FAAH2: variants seen among roughly 807,000 people sequenced by gnomAD.
FAAH2 encodes fatty-acid amide hydrolase 2.
In FAAH2, 60 loss-of-function variants were observed where a neutral mutation model predicts 36.9. The ratio of observed to expected loss-of-function variants is 1.63; its 90% CI spans 1.32 to 2.02. The LOEUF (loss-of-function observed/expected upper bound fraction) is 2.02, where lower values mean the gene tolerates loss of function less well. Ranked by LOEUF, FAAH2 falls within the 30% of genes most tolerant of loss-of-function variation. The pLI, the probability that FAAH2 is intolerant of heterozygous loss-of-function variation, is 0.00. For missense variants in FAAH2, 689 were observed against 397.5 expected (o/e 1.73, Z -6.23); for synonymous variants, 214 against 143.8 (o/e 1.49, Z -3.49).
chrX:57,339,583 T>A (rs1382049394), intron 4 of FAAH2, among the ~76,000 whole-genome samples: 3 of 111,378 alleles, frequency 2.7e-5, no homozygotes, highest in African/African-American at 9.8e-5. Flanking sequence ...CATTAAAAAG[T>A]AGGCAAAGGA....
At chrX:57,376,726 C>T (rs2054689849) in intron 5 of FAAH2, among the ~76,000 whole-genome samples, 1 of 112,012 alleles carries the variant, frequency 8.9e-6, no homozygotes, top group Non-Finnish European at 1.9e-5. Flanking sequence ...TGAGGAATCA[C>T]CACACTGTCT....
the FAAH2 span, among the ~76,000 whole-genome samples, chrX:57,264,708 T>G: frequency 2.7e-5 from 3 of 112,411 alleles, no homozygotes; most frequent in African/African-American, 9.7e-5. Flanking sequence ...ACATAAATCA[T>G]TCTATCATAA....
chrX:57,393,231 T>C (rs1031339838), intron 7 of FAAH2: 3 of 1,199,150 alleles, frequency 2.5e-6, no homozygotes, highest in African/African-American at 3.5e-5. Context: ...GTTTGTTTCT[T>C]CAAGTTACTG....
At chrX:57,310,825 A>G (rs901926074) in intron 3 of FAAH2, 96 bp downstream of exon 3, 51 of 904,732 alleles carry the variant, frequency 5.6e-5, no homozygotes, top group Non-Finnish European at 7.3e-5. Context: ...AAAGTGAAGG[A>G]CAAACTCATG....
intron 7 of FAAH2, among the ~76,000 whole-genome samples, chrX:57,397,905 C>T (rs1309554465): frequency 9.5e-6 from 1 of 105,757 alleles, no homozygotes; most frequent in Admixed American, 1.0e-4. Context: ...TTCCTGTGTC[C>T]ATGTGTTCTC....
At chrX:57,249,410 T>G in the FAAH2 span, among the ~76,000 whole-genome samples, 9 of 112,389 alleles carry the variant, frequency 8.0e-5, no homozygotes, top group Admixed American at 4.7e-4. Context: ...ACACACCTTG[T>G]TCCAGGGCCC....
the FAAH2 span, among the ~76,000 whole-genome samples, chrX:57,183,416 A>G: frequency 1.8e-5 from 2 of 111,478 alleles, no homozygotes; most frequent in Non-Finnish European, 3.8e-5. Flanking sequence ...AATGAATAAT[A>G]CTGATAAACA....
chrX:57,461,889 C>A (rs1215004970), intron 10 of FAAH2, among the ~76,000 whole-genome samples: 1 of 109,915 alleles, frequency 9.1e-6, no homozygotes, highest in African/African-American at 3.3e-5. Context: ...TAACAAAATA[C>A]ATAGACCACT....
Position 57,286,883 on chromosome X carries a change from C to T in FAAH2, c.58C>T (p.Leu20Phe). 1 of 1,202,719 alleles carries T rather than the reference C, an allele frequency of 8.3e-7. No individual in the cohort carries two copies. The change falls in exon 1 of 11, where the codon CTC (leucine) becomes TTC (phenylalanine). Residue 20 changes from leucine to phenylalanine, a missense_variant. Leu to Phe is a conservative substitution (Grantham distance 22). Transcript: ENST00000374900. ...GTTCCTCTTGCGGGCGCTAGGCTTT[C>T]TCATAGGCTTAGTAGGCCGAGCAGC... ...QLFLLRALGF[L>F]IGLVGRAALV...
chrX:57,459,259 G>A (rs1005230278), intron 10 of FAAH2, among the ~76,000 whole-genome samples: 4 of 112,032 alleles, frequency 3.6e-5, no homozygotes, highest in Non-Finnish European at 5.6e-5. Context: ...AAGCAGCTAT[G>A]GCCAGACTGC....
chrX:57,171,723 G>T, the FAAH2 span, among the ~76,000 whole-genome samples: 3 of 111,656 alleles, frequency 2.7e-5, no homozygotes, highest in African/African-American at 6.5e-5. Flanking sequence ...TCTGTTTACT[G>T]TGCTGATTAT....
At chrX:57,488,067 G>A (rs1296542712) in intron 10 of FAAH2, among the ~76,000 whole-genome samples, 1 of 111,616 alleles carries the variant, frequency 9.0e-6, no homozygotes, top group African/African-American at 3.2e-5. Flanking sequence ...TTCAGAATAG[G>A]AAATCTATAT....
chrX:57,323,889 C>G (rs766151140), intron 3 of FAAH2, among the ~76,000 whole-genome samples: 5 of 110,429 alleles, frequency 4.5e-5, no homozygotes, highest in African/African-American at 9.9e-5. Context: ...CATTGCTTTT[C>G]ATGTTTTAGA....
At chrX:57,144,436 G>C in the FAAH2 span, among the ~76,000 whole-genome samples, 2 of 107,166 alleles carry the variant, frequency 1.9e-5, no homozygotes, top group Non-Finnish European at 3.8e-5. Flanking sequence ...TGTAAAGCAA[G>C]TAACTCTGTG....
intron 10 of FAAH2, among the ~76,000 whole-genome samples, chrX:57,462,627 C>G (rs1178297796): frequency 1.8e-5 from 2 of 112,266 alleles, no homozygotes; most frequent in African/African-American, 6.5e-5. Context: ...TCTAAAAACT[C>G]TAAATAAACT....
At chrX:57,216,610 G>GTATATATACGTATATATATACGTA in the FAAH2 span, among the ~76,000 whole-genome samples, 90 of 8,673 alleles carry the variant, frequency 0.01, 6 homozygotes, top group African/African-American at 0.023. Flanking sequence ...ATATATATAC[G>GTATATATACGTATATATATACGTA]TATATATATA....
chrX:57,127,499 T>G, the FAAH2 span, among the ~76,000 whole-genome samples: 3 of 111,646 alleles, frequency 2.7e-5, no homozygotes, highest in East Asian at 8.4e-4. Context: ...ACATCTATTT[T>G]CCATATACTT....
At chrX:57,394,206 G>T in intron 7 of FAAH2, 2 of 663,329 alleles carry the variant, frequency 3.0e-6, no homozygotes, top group South Asian at 4.3e-5. Flanking sequence ...GTGGGGCCCT[G>T]AGAAGGCTGT....
At chrX:57,254,246 C>A in the FAAH2 span, among the ~76,000 whole-genome samples, 1 of 111,725 alleles carries the variant, frequency 9.0e-6, no homozygotes, top group Non-Finnish European at 1.9e-5. Context: ...TATATGCACC[C>A]AATACAGGAG....
Sources: allele counts gnomAD v4.1 joint callset (sites outside exome capture counted in the v4.1 genomes callset), GRCh38; gene constraint gnomAD v4.1.1; transcripts MANE v1.5; gene names NCBI Gene and HGNC (gene_info 2026-07-23, HGNC 2026-07-21).